The following DNAH11 variants were observed in gnomAD, a reference collection of about 807,000 sequenced individuals.
DNAH11 encodes the protein axonemal beta dynein heavy chain 11.
Under a neutral mutation model 526.0 loss-of-function variants are expected in DNAH11, and 442 were observed. The observed-to-expected ratio is 0.84, with a 90% CI of 0.78 to 0.91. DNAH11 has a LOEUF of 0.91. Among genes scored for constraint, DNAH11 ranks in the 40% least tolerant of loss-of-function variants. DNAH11 has a pLI of 0.00. For missense variants in DNAH11, 6,989 were observed against 5,448.7 expected (o/e 1.28, Z -8.90); for synonymous variants, 2,461 against 1,935.9 (o/e 1.27, Z -7.12).
intron 61 of DNAH11, among the ~76,000 whole-genome samples, chr7:21,794,469 A>G (rs1394233248): frequency 2.6e-5 from 4 of 152,126 alleles, no homozygotes; most frequent in South Asian, 2.1e-4. Context: ...TCAGCACTAT[A>G]TGGAACATTA....
At chr7:21,629,778 T>C (rs182287937) in intron 25 of DNAH11, among the ~76,000 whole-genome samples, 1 of 152,230 alleles carries the variant, frequency 6.6e-6, no homozygotes, top group Admixed American at 6.5e-5. Flanking sequence ...GGTATATCAT[T>C]TTCCACTCTT....
At chr7:21,648,269 G>T (rs960356700) in intron 28 of DNAH11, among the ~76,000 whole-genome samples, 5 of 152,144 alleles carry the variant, frequency 3.3e-5, no homozygotes, top group African/African-American at 9.7e-5. Context: ...ATGTAAAATT[G>T]GCCACAAATT....
chr7:21,828,682 T>C (rs769263887), intron 65 of DNAH11, among the ~76,000 whole-genome samples: 18 of 151,988 alleles, frequency 1.2e-4, no homozygotes, highest in Middle Eastern at 3.4e-3. Flanking sequence ...TGTTTAAATA[T>C]GGATATGTTG....
chr7:21,605,420 A>G (rs568509228), intron 18 of DNAH11, among the ~76,000 whole-genome samples: 4 of 152,356 alleles, frequency 2.6e-5, no homozygotes, highest in South Asian at 4.1e-4. Context: ...ATTGCTCCTT[A>G]AAGAAAATAA....
intron 45 of DNAH11, among the ~76,000 whole-genome samples, chr7:21,727,026 G>C (rs534212982): frequency 1.6e-5 from 2 of 125,756 alleles, no homozygotes; most frequent in Non-Finnish European, 3.2e-5. Flanking sequence ...ATCCACCTCC[G>C]GGGTTCAAGT....
intron 68 of DNAH11, among the ~76,000 whole-genome samples, chr7:21,860,696 A>G (rs1383471287): frequency 6.6e-6 from 1 of 152,190 alleles, no homozygotes; most frequent in African/African-American, 2.4e-5. Flanking sequence ...AGTCACAGTA[A>G]GACTGTGACT....
chr7:21,555,883 C>T (rs927916645), intron 2 of DNAH11, among the ~76,000 whole-genome samples: 1 of 152,128 alleles, frequency 6.6e-6, no homozygotes, highest in African/African-American at 2.4e-5. Context: ...CAGACGGGCC[C>T]CCAAGTTTGT....
intron 35 of DNAH11, among the ~76,000 whole-genome samples, chr7:21,696,458 T>C (rs1783856405): frequency 6.6e-6 from 1 of 152,198 alleles, no homozygotes; most frequent in African/African-American, 2.4e-5. Context: ...TTTTATAATG[T>C]CTAACTTTCT....
At chr7:21,813,398 C>G (rs1789620147) in intron 63 of DNAH11, among the ~76,000 whole-genome samples, 1 of 152,150 alleles carries the variant, frequency 6.6e-6, no homozygotes, top group Admixed American at 6.5e-5. Flanking sequence ...AGATATCTAC[C>G]TTGCAGAACT....
intron 60 of DNAH11, among the ~76,000 whole-genome samples, chr7:21,788,458 G>T (rs79642705): frequency 0.042 from 6,440 of 151,924 alleles, 280 homozygotes; most frequent in East Asian, 0.25. Flanking sequence ...AAATGTCTCA[G>T]CCCCGTCTTC....
intron 70 of DNAH11, among the ~76,000 whole-genome samples, chr7:21,866,180 CCT>C (rs1783269350): frequency 6.6e-6 from 1 of 152,128 alleles, no homozygotes; most frequent in Non-Finnish European, 1.5e-5. Context: ...GGTTCAAACG[CCT>C]CTGACAGAAG....
rs1343219099 is a variant in DNAH11, at chr7:21,901,239, G to C, written c.13536G>C (p.Leu4512=). The C allele has an allele frequency of 6.2e-7, 1 of 1,606,402 alleles. No individual in the cohort carries two copies. Among genetic ancestry groups the C allele is most frequent in the African/African-American group, 1.4e-5 (1 of 74,002 alleles). The change falls in exon 82 of 82, where the codon CTG becomes CTC. Residue 4512 remains leucine (L), a synonymous_variant. Coordinates refer to ENST00000409508, the MANE Select transcript of DNAH11 (RefSeq NM_001277115.2). ...TAKWVLAGVA[L]LLEA is the part of the protein sequence containing the mutation. ...AATGGGTTCTGGCTGGAGTGGCTCT[G>C]CTTCTAGAAGCGTAAGGTAACACTG...
At chr7:21,866,319 G>C (rs1392819426) in intron 70 of DNAH11, 151 bp from the exon 71 acceptor site, 1 of 418,454 alleles carries the variant, frequency 2.4e-6, no homozygotes. Flanking sequence ...TCTCAGCAGA[G>C]CAAAAAAAAA....
chr7:21,669,802 A>G (rs10247554), intron 30 of DNAH11, among the ~76,000 whole-genome samples: 67,292 of 151,590 alleles, frequency 0.44, 15,181 homozygotes, highest in Non-Finnish European at 0.49. Flanking sequence ...TCCTTTCTCT[A>G]TTGAATTAAT....
chr7:21,722,567 CTAT>C (rs1365629347), intron 44 of DNAH11, among the ~76,000 whole-genome samples: 1 of 152,104 alleles, frequency 6.6e-6, no homozygotes, highest in Non-Finnish European at 1.5e-5. Context: ...TAACTCATGC[CTAT>C]TATTATAATA....
chr7:21,815,258 AC>A (rs1215113390), intron 63 of DNAH11, among the ~76,000 whole-genome samples: 1 of 152,194 alleles, frequency 6.6e-6, no homozygotes, highest in Non-Finnish European at 1.5e-5. Flanking sequence ...AAGGTAACAA[AC>A]TAAAGCACAT....
intron 40 of DNAH11, among the ~76,000 whole-genome samples, chr7:21,708,210 G>A (rs1295183682): frequency 2.0e-5 from 3 of 152,186 alleles, no homozygotes; most frequent in East Asian, 3.9e-4. Flanking sequence ...AGTAGGGCAT[G>A]TTGCCTGCCC....
chr7:21,788,795 G>A (rs1788306113), intron 60 of DNAH11, among the ~76,000 whole-genome samples: 1 of 152,194 alleles, frequency 6.6e-6, no homozygotes, highest in South Asian at 2.1e-4. Flanking sequence ...CCTGCACAAT[G>A]CAATTTCTAG....
At chr7:21,642,205 G>T (rs1216830121) in intron 28 of DNAH11, among the ~76,000 whole-genome samples, 2 of 152,114 alleles carry the variant, frequency 1.3e-5, no homozygotes, top group Non-Finnish European at 2.9e-5. Flanking sequence ...CATAAATTTT[G>T]AACAATTAAC....
Sources: gnomAD v4.1 joint callset for allele counts (sites outside exome capture counted in the v4.1 genomes callset) on GRCh38, gnomAD v4.1.1 for gene constraint, MANE v1.5 for transcripts, NCBI Gene and HGNC (gene_info 2026-07-23, HGNC 2026-07-21) for gene names.